EBF2: variants seen among roughly 807,000 people sequenced by gnomAD.
EBF2 encodes EBF transcription factor 2, also known as transcription factor COE2.
EBF2 carries 21 observed loss-of-function variants against 72.8 expected under a neutral mutation model. The observed-to-expected ratio is 0.29, with a 90% CI of 0.20 to 0.42. The LOEUF is 0.42. Ranked by LOEUF, EBF2 falls within the 10% of genes least tolerant of loss-of-function variation. The probability of loss-of-function intolerance (pLI) is 1.00; values close to 1 mark genes in which losing one functional copy is unlikely to be tolerated. For synonymous variants in EBF2, 299 were observed against 274.2 expected (o/e 1.09, Z -0.89); for missense variants, 637 against 731.2 (o/e 0.87, Z 1.49).
At chr8:25,932,181 C>A (rs1025664881) in intron 6 of EBF2, among the ~76,000 whole-genome samples, 3 of 152,088 alleles carry the variant, frequency 2.0e-5, no homozygotes, top group Admixed American at 6.5e-5. Flanking sequence ...GCTGTGCGAC[C>A]TTAGGTAAGT....
chr8:25,867,881 A>AT (rs898897481), intron 10 of EBF2, among the ~76,000 whole-genome samples: 20 of 152,112 alleles, frequency 1.3e-4, no homozygotes, highest in African/African-American at 4.6e-4. Flanking sequence ...ATATCATTGT[A>AT]TTTTTTCTAG....
intron 7 of EBF2, among the ~76,000 whole-genome samples, chr8:25,895,425 C>T (rs766530637): frequency 8.5e-5 from 13 of 152,074 alleles, no homozygotes; most frequent in East Asian, 1.9e-4. Flanking sequence ...TGGAGAGTGA[C>T]GGTGGTAGGT....
intron 6 of EBF2, among the ~76,000 whole-genome samples, chr8:25,946,431 C>T (rs568558820): frequency 2.0e-5 from 3 of 152,310 alleles, no homozygotes; most frequent in African/African-American, 4.8e-5. Flanking sequence ...GGAAAAGTAC[C>T]AAAGACCTCC....
At chr8:25,890,007 A>G in intron 7 of EBF2, 138 bp from the exon 8 acceptor site, 1 of 703,714 alleles carries the variant, frequency 1.4e-6, no homozygotes, top group Non-Finnish European at 2.5e-6. Flanking sequence ...GACTCAACAG[A>G]GTTTTCTCCT....
At chr8:25,949,738 G>C (rs966054260) in intron 6 of EBF2, among the ~76,000 whole-genome samples, 1 of 152,164 alleles carries the variant, frequency 6.6e-6, no homozygotes, top group African/African-American at 2.4e-5. Context: ...GGGTGGTCAT[G>C]GGAGTGAAGG....
chr8:25,999,650 T>C (rs1804690340), intron 6 of EBF2, among the ~76,000 whole-genome samples: 1 of 151,800 alleles, frequency 6.6e-6, no homozygotes, highest in South Asian at 2.1e-4. Flanking sequence ...TTTTTTTTTT[T>C]TGTCTTTGCC....
At position 26,044,274 on chromosome 8, in the gene EBF2, C is replaced by A. The variant is rs1419288537; in HGVS notation, c.131+455G>T. 6.6e-6 allele frequency among the ~76,000 whole-genome samples: 1 copy of A among 152,164 alleles called. No individual in the cohort carries two copies. Among genetic ancestry groups the A allele is most frequent in the Non-Finnish European group, 1.5e-5 (1 of 68,020 alleles). On this transcript the variant is annotated intron_variant, in intron 1 of 15. Coordinates refer to ENST00000520164, the MANE Select transcript of EBF2 (RefSeq NM_022659.4). This position sits in a 1 kb window ranked among gnomAD's most constrained non-coding sequence, Gnocchi z 4.1. ...CGCCGGCCTCCCAGGCTCCAGGAAT[C>A]GCCCAGCAAGATGCGGGAGGTAGGC...
At chr8:26,016,943 T>G (rs922702261) in intron 6 of EBF2, among the ~76,000 whole-genome samples, 1 of 151,858 alleles carries the variant, frequency 6.6e-6, no homozygotes, top group African/African-American at 2.4e-5. Flanking sequence ...ATGACAATAG[T>G]GGAGTTATAT....
At chr8:25,884,918 G>A (rs796490885) in intron 10 of EBF2, among the ~76,000 whole-genome samples, 44 of 152,194 alleles carry the variant, frequency 2.9e-4, no homozygotes, top group African/African-American at 1.0e-3. Flanking sequence ...GAATCAGAGC[G>A]CAAATGAGAG....
At chr8:25,915,037 A>G (rs1268405327) in intron 6 of EBF2, among the ~76,000 whole-genome samples, 1 of 152,240 alleles carries the variant, frequency 6.6e-6, no homozygotes. Context: ...AACAGTAATT[A>G]TAATTAATAA....
intron 6 of EBF2, among the ~76,000 whole-genome samples, chr8:26,026,248 C>T (rs929911644): frequency 2.6e-5 from 4 of 152,098 alleles, no homozygotes; most frequent in Non-Finnish European, 4.4e-5. Context: ...TTCTCCCATA[C>T]TGGAGATGAA....
chr8:25,899,714 T>A (rs1325301450), intron 7 of EBF2, among the ~76,000 whole-genome samples: 1 of 152,188 alleles, frequency 6.6e-6, no homozygotes, highest in Non-Finnish European at 1.5e-5. Flanking sequence ...TCACGTCGTT[T>A]AGTAAACCCG....
At chr8:25,845,345 A>T (rs553224457) in intron 15 of EBF2, among the ~76,000 whole-genome samples, 37 of 113,198 alleles carry the variant, frequency 3.3e-4, no homozygotes, top group African/African-American at 1.4e-3. Context: ...CTCCTGCCTC[A>T]GCCTCTGCCT....
intron 6 of EBF2, among the ~76,000 whole-genome samples, chr8:26,012,761 G>C (rs17818083): frequency 3.9e-5 from 6 of 152,116 alleles, no homozygotes; most frequent in African/African-American, 1.4e-4. Flanking sequence ...AGAAAATGCT[G>C]TCCCTGTCTC....
At chr8:25,866,641 T>A (rs1365771007) in intron 10 of EBF2, among the ~76,000 whole-genome samples, 167 of 143,722 alleles carry the variant, frequency 1.2e-3, no homozygotes, top group Admixed American at 4.1e-3. Flanking sequence ...ATATATTTTT[T>A]TTTTTTTTGA....
At chr8:25,882,513 G>A (rs1802621055) in intron 10 of EBF2, among the ~76,000 whole-genome samples, 2 of 152,112 alleles carry the variant, frequency 1.3e-5, no homozygotes, top group South Asian at 4.2e-4. Flanking sequence ...GCCATGGTGA[G>A]AGTATTTGAC....
intron 10 of EBF2, among the ~76,000 whole-genome samples, chr8:25,885,141 G>A (rs765792863): frequency 2.5e-4 from 37 of 150,772 alleles, no homozygotes; most frequent in Admixed American, 8.6e-4. Flanking sequence ...GTTACTCTTC[G>A]TTGCACAGAA....
intron 7 of EBF2, among the ~76,000 whole-genome samples, chr8:25,895,923 ATGTGTGTGTG>A (rs71868613): frequency 0.056 from 8,387 of 149,696 alleles, 542 homozygotes; most frequent in African/African-American, 0.15. Context: ...CCGTGTGTGT[ATGTGTGTGTG>A]TGTGTGTGTG....
At chr8:25,901,904 A>T (rs910213777) in intron 7 of EBF2, among the ~76,000 whole-genome samples, 1 of 152,142 alleles carries the variant, frequency 6.6e-6, no homozygotes, top group Non-Finnish European at 1.5e-5. Context: ...TATTTTTTAT[A>T]TCCTTCCACT....
Sources: allele counts gnomAD v4.1 joint callset (sites outside exome capture counted in the v4.1 genomes callset), GRCh38; gene constraint gnomAD v4.1.1; non-coding constraint Gnocchi (gnomAD v3.1); transcripts MANE v1.5; gene names NCBI Gene and HGNC (gene_info 2026-07-23, HGNC 2026-07-21).